Variants in EYS observed in about 807,000 individuals in gnomAD.
EYS encodes protein eyes shut homolog.
In EYS, 250 loss-of-function variants were observed where a neutral mutation model predicts 282.1. The observed-to-expected ratio is 0.89, with a 90% CI of 0.80 to 0.98. The LOEUF (loss-of-function observed/expected upper bound fraction) is 0.98. Among genes scored for constraint, EYS ranks in the 50% least tolerant of loss-of-function variants. The pLI is 0.00. For missense variants in EYS, 4,016 were observed against 3,709.0 expected, an observed-to-expected ratio of 1.08 and a Z score of -2.15; for synonymous variants, 1,355 against 1,282.9, an observed-to-expected ratio of 1.06 and a Z score of -1.20.
intron 28 of EYS, among the ~76,000 whole-genome samples, chr6:64,396,277 T>C (rs1257042995): frequency 6.6e-6 from 1 of 152,180 alleles, no homozygotes; most frequent in Non-Finnish European, 1.5e-5. Context: ...GACATGCTTG[T>C]ATGTATTGTT....
At chr6:64,790,662 A>T (rs1774161097) in intron 22 of EYS, among the ~76,000 whole-genome samples, 1 of 151,872 alleles carries the variant, frequency 6.6e-6, no homozygotes, top group African/African-American at 2.4e-5. Context: ...CTTTGGTTTC[A>T]TTAAGGCCAA....
At chr6:64,525,585 C>T (rs1205069160) in intron 26 of EYS, among the ~76,000 whole-genome samples, 1 of 151,558 alleles carries the variant, frequency 6.6e-6, no homozygotes, top group Non-Finnish European at 1.5e-5. Flanking sequence ...GGCTTAGTAC[C>T]TGGGTGATGA....
At chr6:65,616,972 T>C (rs1766223594) in intron 2 of EYS, among the ~76,000 whole-genome samples, 1 of 152,172 alleles carries the variant, frequency 6.6e-6, no homozygotes, top group Non-Finnish European at 1.5e-5. Flanking sequence ...ATTGAATATG[T>C]GTATAAACAT....
intron 14 of EYS, among the ~76,000 whole-genome samples, chr6:64,950,792 C>CATACATAT (rs1419966413): frequency 1.0e-3 from 62 of 60,892 alleles, no homozygotes; most frequent in African/African-American, 3.2e-3. Context: ...TACACATATA[C>CATACATAT]ATATACATAT....
chr6:64,576,918 T>G (rs1019806756), intron 26 of EYS, among the ~76,000 whole-genome samples: 2 of 152,050 alleles, frequency 1.3e-5, no homozygotes, highest in African/African-American at 4.8e-5. Context: ...ATAGAGTTAT[T>G]AGAGATGTAA....
chr6:65,596,641 AT>A (rs1190087274), intron 2 of EYS, among the ~76,000 whole-genome samples: 38 of 148,678 alleles, frequency 2.6e-4, no homozygotes, highest in Admixed American at 3.4e-4. Context: ...TGCAGGAAGA[AT>A]TTTTTTTTTT....
At chr6:64,683,399 T>C (rs907334846) in intron 22 of EYS, among the ~76,000 whole-genome samples, 5 of 152,072 alleles carry the variant, frequency 3.3e-5, no homozygotes, top group African/African-American at 7.2e-5. Flanking sequence ...CATGGATAAA[T>C]AGAAACTATA....
At chr6:64,669,886 T>A (rs944093383) in intron 22 of EYS, among the ~76,000 whole-genome samples, 1 of 152,198 alleles carries the variant, frequency 6.6e-6, no homozygotes, top group Non-Finnish European at 1.5e-5. Flanking sequence ...AAAAAGGCCT[T>A]AACATTCTTC....
chr6:65,096,044 A>G (rs538683119), intron 12 of EYS, among the ~76,000 whole-genome samples: 1 of 151,046 alleles, frequency 6.6e-6, no homozygotes, highest in Non-Finnish European at 1.5e-5. Flanking sequence ...ATATGTAGAA[A>G]ACCCTAATGA....
chr6:65,645,892 C>T (rs530597428), intron 1 of EYS, among the ~76,000 whole-genome samples: 27 of 151,936 alleles, frequency 1.8e-4, no homozygotes, highest in Non-Finnish European at 2.2e-4. Context: ...AAGTCTACTA[C>T]GAACACCTTT....
intron 30 of EYS, among the ~76,000 whole-genome samples, chr6:64,282,359 C>T (rs576368208): frequency 3.9e-5 from 6 of 152,052 alleles, no homozygotes; most frequent in African/African-American, 4.8e-5. Context: ...CAACCTTTTG[C>T]GTATTCTTAC....
rs540159090 is a variant in EYS, at chr6:65,051,464, A to G, written c.2137+6150T>C. 3.3e-5 allele frequency among the ~76,000 whole-genome samples: 5 copies of G among 151,746 alleles called. No individual in the cohort carries two copies. In the East Asian group the frequency reaches 9.7e-4, roughly 29 times the overall value. ...TAAAAATGTATATATGTAGCATTCAATGTGATGTTTTGATACATGTATACA... is the reference window on the plus strand; with the variant it reads ...TAAAAATGTATATATGTAGCATTCAGTGTGATGTTTTGATACATGTATACA... On this transcript the variant is annotated intron_variant, in intron 13 of 42. Coordinates refer to ENST00000503581, the MANE Select transcript of EYS (RefSeq NM_001142800.2).
intron 12 of EYS, among the ~76,000 whole-genome samples, chr6:65,194,334 T>C (rs1765714017): frequency 6.6e-6 from 1 of 151,978 alleles, no homozygotes; most frequent in Non-Finnish European, 1.5e-5. Context: ...AAAAACGGTC[T>C]ATAAAATCAA....
At chr6:65,662,858 AT>A (rs1021030450) in intron 1 of EYS, among the ~76,000 whole-genome samples, 37 of 152,310 alleles carry the variant, frequency 2.4e-4, no homozygotes, top group African/African-American at 8.4e-4. Context: ...AAATGTGACG[AT>A]TTAGATAAAC....
chr6:64,688,490 T>C (rs1770244347), intron 22 of EYS, among the ~76,000 whole-genome samples: 1 of 152,186 alleles, frequency 6.6e-6, no homozygotes, highest in South Asian at 2.1e-4. Flanking sequence ...TACCCAGTAG[T>C]CATTCAGGAG....
At chr6:64,449,101 A>C (rs1366665569) in intron 26 of EYS, among the ~76,000 whole-genome samples, 1 of 152,066 alleles carries the variant, frequency 6.6e-6, no homozygotes, top group African/African-American at 2.4e-5. Flanking sequence ...GAAGATAAAA[A>C]CTTTAAAAAA....
chr6:64,902,194 C>A lies in EYS; in HGVS notation c.2765G>T (p.Gly922Val). 1 of 1,550,514 alleles carries A rather than the reference C, an allele frequency of 6.4e-7. No homozygotes were observed. The highest frequency in any genetic ancestry group is 2.4e-5 in the East Asian group (1 of 40,844). The change falls in exon 18 of 43, where the codon GGA becomes GTA. Residue 922 changes from glycine (G) to valine (V), a missense_variant. Gly to Val is a moderately radical substitution (Grantham distance 109). Coordinates refer to ENST00000503581, the MANE Select transcript of EYS (RefSeq NM_001142800.2). ...FRCICRPGFS[G>V]SLCEIEINEC... Reference sequence around the variant, plus strand: ...ATTAATTTCAATTTCACACAGAGATCCAGAAAACCCAGGTCTGCAAATACA... The same window carrying A: ...ATTAATTTCAATTTCACACAGAGATACAGAAAACCCAGGTCTGCAAATACA...
chr6:63,999,237 G>A (rs1767970474), intron 33 of EYS, 54 bp from the exon 34 acceptor site: 1 of 1,129,222 alleles, frequency 8.9e-7, no homozygotes, highest in Non-Finnish European at 1.3e-6. Flanking sequence ...CAAGAAAGGA[G>A]TAACTTCACA....
chr6:64,922,793 G>T (rs1210108298), intron 15 of EYS, among the ~76,000 whole-genome samples: 3 of 152,110 alleles, frequency 2.0e-5, no homozygotes, highest in Non-Finnish European at 4.4e-5. Context: ...CCCAGTACCT[G>T]CAGGTCACAA....
Sources: allele counts gnomAD v4.1 joint callset (sites outside exome capture counted in the v4.1 genomes callset), GRCh38; gene constraint gnomAD v4.1.1; transcripts MANE v1.5; gene names NCBI Gene and HGNC (gene_info 2026-07-23, HGNC 2026-07-21).